The following SLC23A2 variants were observed in gnomAD, a reference collection of about 807,000 sequenced individuals.
SLC23A2 encodes the protein solute carrier family 23 member 2.
SLC23A2 carries 36 observed loss-of-function variants against 73.3 expected under a neutral mutation model. That is an observed-to-expected ratio of 0.49 (90% CI 0.38 to 0.65). SLC23A2 has a LOEUF of 0.65. SLC23A2 is among the 30% of genes least tolerant of loss of function. The pLI, the probability that SLC23A2 is intolerant of heterozygous loss-of-function variation, is 0.00. For missense variants in SLC23A2, 507 were observed against 841.6 expected, an observed-to-expected ratio of 0.60 and a Z score of 4.92; for synonymous variants, 343 against 327.3, an observed-to-expected ratio of 1.05 and a Z score of -0.52.
chr20:4,861,906 G>A, intron 15 of SLC23A2, 42 bp downstream of exon 15: 1 of 1,605,852 alleles, frequency 6.2e-7, no homozygotes, highest in South Asian at 1.1e-5. Flanking sequence ...TGGCGGCTGT[G>A]GTTCCAGCTC....
chr20:4,992,326 T>C (rs1202102732), intron 1 of SLC23A2, among the ~76,000 whole-genome samples: 1 of 152,102 alleles, frequency 6.6e-6, no homozygotes, highest in Non-Finnish European at 1.5e-5. Flanking sequence ...GATGAATTAA[T>C]AGTACCCAAA....
rs890391765 is a variant in SLC23A2, at chr20:4,883,552, T to C, written c.824+90A>G. The C allele has an allele frequency of 6.4e-6, 6 of 931,818 alleles. No homozygotes were observed. The African/African-American group carries it at 1.0e-4, about 16-fold the overall frequency. 57.7% of individuals were successfully genotyped at this position (931,818 alleles called of 1,614,324 possible). ...AGTTGAAACTGTCAGACCATTCTTA[T>C]TATTGAAAAACATTATCTCCTGAAG... On this transcript the variant is annotated intron_variant, in intron 9 of 16. Transcript: ENST00000338244. The surrounding 1 kb of genome is among the most constrained non-coding windows in gnomAD (Gnocchi z 4.5).
chr20:4,889,144 G>A (rs1629176), intron 6 of SLC23A2, among the ~76,000 whole-genome samples: 58,247 of 152,052 alleles, frequency 0.38, 12,274 homozygotes, highest in Non-Finnish European at 0.49. Context: ...CATATAAGGG[G>A]CCGTGATGTG....
rs372176082 is a variant in SLC23A2 at position 4,985,450 on chromosome 20, A to ATT, written c.-281-14533_-281-14532dup. 3.7e-3 allele frequency among the ~76,000 whole-genome samples: 530 copies of ATT among 144,484 alleles called. 1 individual carries two copies. Among genetic ancestry groups the ATT allele is most frequent in the Middle Eastern group, 0.011 (3 of 276 alleles). 94.8% of individuals were successfully genotyped at this position (144,484 alleles called of 152,430 possible). A position where few individuals can be genotyped will look rare whatever the true frequency, so the allele number is the denominator to read the frequency against. ...GAAAAAGCCTATCACAAAAAACCAC[A>ATT]TTTTTTTTTTTTTTTGAGACAGGGT... On this transcript the variant is annotated intron_variant, in intron 1 of 16. Transcript: ENST00000338244.
intron 2 of SLC23A2, among the ~76,000 whole-genome samples, chr20:4,944,775 C>T (rs1417156829): frequency 4.6e-5 from 7 of 152,126 alleles, no homozygotes; most frequent in African/African-American, 1.7e-4. Context: ...CTTTCAGGGC[C>T]GGCTAGGTTC....
At chr20:4,861,855 G>T in intron 15 of SLC23A2, 93 bp downstream of exon 15, 1 of 1,311,874 alleles carries the variant, frequency 7.6e-7, no homozygotes. Flanking sequence ...GCTCCTGGAG[G>T]CCCAAAGTCC....
At chr20:4,895,861 A>G (rs1432995469) in intron 6 of SLC23A2, among the ~76,000 whole-genome samples, 1 of 152,192 alleles carries the variant, frequency 6.6e-6, no homozygotes, top group East Asian at 1.9e-4. Flanking sequence ...GCCTCACCCT[A>G]CTGAGGTCTG....
At chr20:4,905,798 G>A (rs1931928237) in intron 4 of SLC23A2, among the ~76,000 whole-genome samples, 1 of 152,178 alleles carries the variant, frequency 6.6e-6, no homozygotes, top group South Asian at 2.1e-4. Context: ...GGAGCCACAT[G>A]GTTCTGTCAC....
chr20:4,859,928 C>A (rs1040770873), intron 15 of SLC23A2, among the ~76,000 whole-genome samples: 1 of 152,166 alleles, frequency 6.6e-6, no homozygotes, highest in African/African-American at 2.4e-5. Context: ...TCTCATTTAT[C>A]CACACACTTT....
intron 2 of SLC23A2, among the ~76,000 whole-genome samples, chr20:4,956,257 T>C (rs896334201): frequency 6.6e-6 from 1 of 152,254 alleles, no homozygotes; most frequent in Admixed American, 6.5e-5. Context: ...TATTGACATT[T>C]CTGTGCCCCT....
chr20:4,885,747 G>T, intron 7 of SLC23A2, 74 bp downstream of exon 7: 2 of 1,035,950 alleles, frequency 1.9e-6, no homozygotes, highest in Admixed American at 1.7e-5. Context: ...GCTGCTGAGG[G>T]CAGCACGTCC....
intron 4 of SLC23A2, among the ~76,000 whole-genome samples, chr20:4,903,405 A>G (rs1931823853): frequency 6.6e-6 from 1 of 152,232 alleles, no homozygotes; most frequent in South Asian, 2.1e-4. Context: ...TCTGGTTTCA[A>G]ACACCACACA....
At chr20:5,003,306 C>T (rs1349114037), upstream of SLC23A2, among the ~76,000 whole-genome samples, 1 of 152,114 alleles carries the variant, frequency 6.6e-6, no homozygotes, top group African/African-American at 2.4e-5. Context: ...ATGGCGTGAA[C>T]CCGGGAGGCG....
chr20:4,869,252 T>C (rs756733897), intron 12 of SLC23A2: 13 of 152,098 alleles, frequency 8.5e-5, no homozygotes, highest in Non-Finnish European at 1.5e-4. Context: ...TGCATTACGA[T>C]TGTGCCTCTG....
At chr20:4,858,794 A>G (rs1929838015) in intron 16 of SLC23A2, among the ~76,000 whole-genome samples, 1 of 152,150 alleles carries the variant, frequency 6.6e-6, no homozygotes, top group Non-Finnish European at 1.5e-5. Flanking sequence ...ATCTCTTGTC[A>G]ATGATCCTGG....
intron 6 of SLC23A2, among the ~76,000 whole-genome samples, chr20:4,888,323 G>C (rs1019527335): frequency 6.6e-6 from 1 of 152,192 alleles, no homozygotes; most frequent in African/African-American, 2.4e-5. Context: ...CATTAACAGA[G>C]ACACGCAAAG....
chr20:4,915,932 A>C (rs1600130304), intron 3 of SLC23A2, among the ~76,000 whole-genome samples: 1 of 152,330 alleles, frequency 6.6e-6, no homozygotes, highest in East Asian at 1.9e-4. Flanking sequence ...TGGTCAACAG[A>C]GCGAGACTCC....
intron 4 of SLC23A2, among the ~76,000 whole-genome samples, chr20:4,908,992 A>G (rs1210836649): frequency 6.6e-6 from 1 of 152,232 alleles, no homozygotes; most frequent in Non-Finnish European, 1.5e-5. Context: ...GGAAATACAC[A>G]TGCAGTATTT....
upstream of SLC23A2, among the ~76,000 whole-genome samples, chr20:5,001,717 C>T (rs1390922276): frequency 6.6e-6 from 1 of 151,846 alleles, no homozygotes; most frequent in Non-Finnish European, 1.5e-5. Context: ...TTTCCCTCCC[C>T]TGCGCAGAAA....
Sources: gnomAD v4.1 joint callset for allele counts (sites outside exome capture counted in the v4.1 genomes callset) on GRCh38, gnomAD v4.1.1 for gene constraint, Gnocchi (gnomAD v3.1) non-coding constraint, MANE v1.5 for transcripts, NCBI Gene and HGNC (gene_info 2026-07-23, HGNC 2026-07-21) for gene names.